Variants in SEMA5A observed in about 807,000 individuals in gnomAD.
The protein encoded by SEMA5A is semaphorin-5A.
Under a neutral mutation model 135.5 loss-of-function variants are expected in SEMA5A, and 55 were observed. That is an observed-to-expected ratio of 0.41 (90% CI 0.33 to 0.51). SEMA5A has a LOEUF of 0.51. Ranked by LOEUF, SEMA5A falls within the 20% of genes least tolerant of loss-of-function variation. SEMA5A has a pLI of 0.37. For missense variants in SEMA5A, 1,290 were observed against 1,419.9 expected (o/e 0.91, Z 1.47); for synonymous variants, 580 against 546.5 (o/e 1.06, Z -0.85).
At chr5:9,153,997 G>A (rs1331097211) in intron 12 of SEMA5A, among the ~76,000 whole-genome samples, 2 of 145,744 alleles carry the variant, frequency 1.4e-5, no homozygotes, top group Non-Finnish European at 3.0e-5. Flanking sequence ...AGTGAGCTGA[G>A]GTCTCACCAT....
intron 5 of SEMA5A, among the ~76,000 whole-genome samples, chr5:9,284,576 T>C (rs1018182279): frequency 6.6e-6 from 1 of 151,864 alleles, no homozygotes; most frequent in Admixed American, 6.6e-5. Flanking sequence ...ACATATTTCA[T>C]CAATTTTTTT....
At chr5:9,303,923 T>G (rs1285702348) in intron 5 of SEMA5A, among the ~76,000 whole-genome samples, 1 of 152,202 alleles carries the variant, frequency 6.6e-6, no homozygotes, top group Non-Finnish European at 1.5e-5. Context: ...ACAATGAGCA[T>G]TTCTCCAGCA....
At chr5:9,335,988 G>A (rs542283924) in intron 4 of SEMA5A, among the ~76,000 whole-genome samples, 4 of 151,980 alleles carry the variant, frequency 2.6e-5, no homozygotes, top group African/African-American at 9.7e-5. Flanking sequence ...TGTACATTAA[G>A]TGCAGTTAAA....
rs562822731 is a variant in SEMA5A at position 9,206,625 on chromosome 5, A to T, written c.647-4385T>A. ...TCTGATCATTGAGCAGATCTTTAAT[A>T]GGTTCTTGATATAAAAATATTTGTA... On this transcript the variant is annotated intron_variant, in intron 8 of 22. Coordinates refer to ENST00000382496, the MANE Select transcript of SEMA5A (RefSeq NM_003966.3). 4.6e-5 allele frequency among the ~76,000 whole-genome samples: 7 copies of T among 152,218 alleles called. No individual in the cohort carries two copies. The South Asian group carries it at 1.0e-3, about 23-fold the overall frequency.
intron 5 of SEMA5A, among the ~76,000 whole-genome samples, chr5:9,307,007 C>A (rs989361351): frequency 6.6e-6 from 1 of 152,192 alleles, no homozygotes; most frequent in African/African-American, 2.4e-5. Context: ...TGCCTAATTT[C>A]GTATAAAGCA....
intron 3 of SEMA5A, among the ~76,000 whole-genome samples, chr5:9,371,061 T>C (rs1008671455): frequency 1.1e-4 from 16 of 152,196 alleles, no homozygotes; most frequent in Non-Finnish European, 1.5e-5. Context: ...TTACAAATCC[T>C]TATTCCCAGT....
intron 1 of SEMA5A, among the ~76,000 whole-genome samples, chr5:9,483,953 A>G (rs1010535730): frequency 6.6e-6 from 1 of 152,202 alleles, no homozygotes; most frequent in Admixed American, 6.5e-5. Flanking sequence ...CATATGTATC[A>G]ACAGACAGGA....
chr5:9,136,458 C>T (rs1741753878), intron 13 of SEMA5A, 46 bp downstream of exon 13: 2 of 1,501,016 alleles, frequency 1.3e-6, no homozygotes, highest in Non-Finnish European at 9.3e-7. Flanking sequence ...GGGAGCATGG[C>T]TCCCATGGGC....
Position 9,337,737 on chromosome 5 carries a change from T to A in SEMA5A, c.200A>T (p.Gln67Leu), listed in dbSNP as rs768666748. Residue 67 changes from glutamine (Q) to leucine (L), a missense_variant, in exon 4 of 23, where the codon CAG becomes CTG. Gln to Leu is a moderately radical substitution (Grantham distance 113, BLOSUM62 -2). Transcript: ENST00000382496. Reference protein sequence around the residue: ...DFSQLTFDPGQKELVVGARNY... With the variant: ...DFSQLTFDPGLKELVVGARNY... ...CCTTGCTCCTACAACAAGTTCTTTC[T>A]GTCCTGGGTCAAATGTTAACTGCGA... 1.9e-6 allele frequency: 3 copies of A among 1,610,492 alleles called. No individual in the cohort carries two copies. The highest frequency in any genetic ancestry group is 2.5e-6 in the Non-Finnish European group (3 of 1,177,698).
chr5:9,121,013 G>A (rs1197697634), intron 14 of SEMA5A, among the ~76,000 whole-genome samples: 2 of 152,096 alleles, frequency 1.3e-5, no homozygotes, highest in African/African-American at 4.8e-5. Flanking sequence ...CCCGACCTCA[G>A]GTGATCTGCC....
chr5:9,511,121 C>T (rs1316755020), intron 1 of SEMA5A, among the ~76,000 whole-genome samples: 2 of 152,050 alleles, frequency 1.3e-5, no homozygotes, highest in Admixed American at 1.3e-4. Context: ...TCATTCAAAC[C>T]CTATGGAATT....
chr5:9,457,726 C>T (rs1758893241), intron 1 of SEMA5A, among the ~76,000 whole-genome samples: 1 of 151,972 alleles, frequency 6.6e-6, no homozygotes, highest in Admixed American at 6.5e-5. Context: ...AAGGATTCAT[C>T]CTATTGCTAT....
At chr5:9,370,439 A>G (rs757883827) in intron 3 of SEMA5A, among the ~76,000 whole-genome samples, 5 of 152,170 alleles carry the variant, frequency 3.3e-5, no homozygotes, top group African/African-American at 7.2e-5. Context: ...GGATGACAGC[A>G]TGAGTCTGGC....
chr5:9,068,761 T>A (rs745919762), intron 16 of SEMA5A, among the ~76,000 whole-genome samples: 2 of 152,170 alleles, frequency 1.3e-5, no homozygotes, highest in Non-Finnish European at 2.9e-5. Flanking sequence ...GAGATGATTA[T>A]TTTCATGTAT....
At chr5:9,406,838 G>C (rs1366685223) in intron 2 of SEMA5A, among the ~76,000 whole-genome samples, 3 of 152,212 alleles carry the variant, frequency 2.0e-5, no homozygotes, top group Non-Finnish European at 4.4e-5. Flanking sequence ...TCCTGTAGTA[G>C]ATAGATTTCA....
At chr5:9,265,416 A>G (rs1749633160) in intron 5 of SEMA5A, 1 of 456,108 alleles carries the variant, frequency 2.2e-6, no homozygotes, top group South Asian at 1.5e-5. Flanking sequence ...CCTTCTATGG[A>G]AACCACAGGC....
At chr5:9,229,795 G>C (rs2150430513) in intron 6 of SEMA5A, among the ~76,000 whole-genome samples, 1 of 151,352 alleles carries the variant, frequency 6.6e-6, no homozygotes, top group African/African-American at 2.4e-5. Flanking sequence ...AGGGTAATTT[G>C]TTCCAGGAGA....
intron 11 of SEMA5A, among the ~76,000 whole-genome samples, chr5:9,166,634 T>C (rs567885236): frequency 6.6e-6 from 1 of 152,326 alleles, no homozygotes; most frequent in Admixed American, 6.5e-5. Context: ...TACAGCTGCT[T>C]TGGCTGCCTT....
chr5:9,221,504 G>C (rs564355688), intron 8 of SEMA5A, among the ~76,000 whole-genome samples: 2 of 150,648 alleles, frequency 1.3e-5, no homozygotes, highest in South Asian at 2.1e-4. Flanking sequence ...GGGTTTCACA[G>C]TGTTAGCCAG....
Sources: allele counts gnomAD v4.1 joint callset (sites outside exome capture counted in the v4.1 genomes callset), GRCh38; gene constraint gnomAD v4.1.1; transcripts MANE v1.5; gene names NCBI Gene and HGNC (gene_info 2026-07-23, HGNC 2026-07-21).